Variants in PTPRD observed in about 807,000 individuals in gnomAD.
PTPRD encodes the protein receptor-type tyrosine-protein phosphatase delta.
In PTPRD, 34 loss-of-function variants were observed where a neutral mutation model predicts 214.5. The observed-to-expected ratio is 0.16, with a 90% CI of 0.12 to 0.21. The LOEUF is 0.21. PTPRD is among the 10% of genes least tolerant of loss of function. PTPRD has a pLI of 1.00. For synonymous variants in PTPRD, 1,128 were observed against 845.7 expected, an observed-to-expected ratio of 1.33 and a Z score of -5.79; for missense variants, 2,545 against 2,398.7, an observed-to-expected ratio of 1.06 and a Z score of -1.27.
chr9:8,764,945 T>C (rs1489716255), intron 11 of PTPRD, among the ~76,000 whole-genome samples: 5 of 152,140 alleles, frequency 3.3e-5, no homozygotes, highest in African/African-American at 4.8e-5. Context: ...TAATGAGTTA[T>C]AATTCTGGGT....
At chr9:9,936,641 T>C (rs1014834066) in intron 5 of PTPRD, among the ~76,000 whole-genome samples, 20 of 132,124 alleles carry the variant, frequency 1.5e-4, no homozygotes, top group Admixed American at 5.4e-4. Flanking sequence ...TGTAAACTAG[T>C]TCAACCATTG....
chr9:10,369,000 G>GT (rs1217378307), intron 2 of PTPRD, among the ~76,000 whole-genome samples: 31 of 151,640 alleles, frequency 2.0e-4, no homozygotes, highest in East Asian at 1.2e-3. Context: ...GGGAATATGT[G>GT]TTTTTTTTAA....
At chr9:10,532,123 T>C (rs746151556) in intron 2 of PTPRD, 3 of 152,144 alleles carry the variant, frequency 2.0e-5, no homozygotes, top group Non-Finnish European at 4.4e-5. Flanking sequence ...CAGAAGCTTA[T>C]ATATAAGATT....
chr9:9,625,929 G>T (rs2095412208), intron 7 of PTPRD, among the ~76,000 whole-genome samples: 1 of 152,128 alleles, frequency 6.6e-6, no homozygotes, highest in Non-Finnish European at 1.5e-5. Flanking sequence ...AAGGCTAGAT[G>T]ATAAATGTTT....
intron 9 of PTPRD, among the ~76,000 whole-genome samples, chr9:9,209,757 T>C (rs887496588): frequency 9.2e-5 from 14 of 152,220 alleles, no homozygotes; most frequent in African/African-American, 3.1e-4. Flanking sequence ...AAATTTTCAA[T>C]AGAAAATATT....
chr9:8,581,466 G>A (rs561393986), intron 14 of PTPRD, among the ~76,000 whole-genome samples: 46 of 152,150 alleles, frequency 3.0e-4, no homozygotes, highest in African/African-American at 1.1e-3. Context: ...AGGGTGGCCG[G>A]GGCCGGGCGC....
chr9:9,772,163 A>T (rs2098757019), intron 5 of PTPRD, among the ~76,000 whole-genome samples: 1 of 152,120 alleles, frequency 6.6e-6, no homozygotes. Flanking sequence ...GTCCTTAAAG[A>T]GGAGGATGCT....
At chr9:9,315,147 CT>C (rs924947413) in intron 9 of PTPRD, among the ~76,000 whole-genome samples, 1 of 151,952 alleles carries the variant, frequency 6.6e-6, no homozygotes, top group African/African-American at 2.4e-5. Flanking sequence ...CTTTCTTCTT[CT>C]TTGTAGCTCT....
At chr9:9,127,745 T>C (rs2154472107) in intron 10 of PTPRD, among the ~76,000 whole-genome samples, 1 of 152,170 alleles carries the variant, frequency 6.6e-6, no homozygotes, top group East Asian at 1.9e-4. Flanking sequence ...TCATCGAATG[T>C]CTGGAAGAGA....
intron 10 of PTPRD, among the ~76,000 whole-genome samples, chr9:9,173,801 T>A (rs1445923369): frequency 6.6e-6 from 1 of 152,112 alleles, no homozygotes; most frequent in Non-Finnish European, 1.5e-5. Flanking sequence ...CGTCACTATC[T>A]AATATACCCG....
chr9:8,380,879 T>G (rs1430103781), intron 37 of PTPRD, among the ~76,000 whole-genome samples: 1 of 152,142 alleles, frequency 6.6e-6, no homozygotes, highest in African/African-American at 2.4e-5. Flanking sequence ...TTGGCTTATT[T>G]TTAAATTGTC....
chr9:9,495,395 C>T (rs1025615923), intron 8 of PTPRD, among the ~76,000 whole-genome samples: 2 of 151,900 alleles, frequency 1.3e-5, no homozygotes, highest in African/African-American at 2.4e-5. Context: ...ACTTCTATTC[C>T]TGTTTTCCCA....
rs182256738 is a variant in PTPRD, at chr9:8,440,555, C to T, written c.3989-3866G>A. 1.8e-3 allele frequency among the ~76,000 whole-genome samples: 272 copies of T among 152,258 alleles called. 2 individuals carry two copies. Among genetic ancestry groups the T allele is most frequent in the African/African-American group, 5.9e-3 (244 of 41,560 alleles). On this transcript the variant is annotated intron_variant, in intron 34 of 45. Coordinates refer to ENST00000381196, the MANE Select transcript of PTPRD (RefSeq NM_002839.4). ...GTCTCAAACTCCTGACCTCATGATC[C>T]GCCTGCCTCGGGCTCCCAAAGTGCT...
intron 2 of PTPRD, among the ~76,000 whole-genome samples, chr9:10,361,143 C>G (rs1275966900): frequency 2.0e-5 from 3 of 151,934 alleles, no homozygotes; most frequent in Non-Finnish European, 4.4e-5. Context: ...CATTAAGACC[C>G]CTTATTTTGA....
intron 14 of PTPRD, among the ~76,000 whole-genome samples, chr9:8,578,707 ATGT>A (rs899378441): frequency 2.1e-4 from 32 of 152,320 alleles, no homozygotes; most frequent in African/African-American, 7.5e-4. Context: ...TGGGCTTAAC[ATGT>A]TGTACTTTAT....
At chr9:9,089,341 A>G (rs448616) in intron 10 of PTPRD, among the ~76,000 whole-genome samples, 95,146 of 152,064 alleles carry the variant, frequency 0.63, 30,537 homozygotes, top group Non-Finnish European at 0.7. Context: ...GCCAGATTTG[A>G]TCCAAGGTCT....
intron 30 of PTPRD, among the ~76,000 whole-genome samples, chr9:8,477,536 G>C (rs1419100788): frequency 6.6e-6 from 1 of 152,106 alleles, no homozygotes; most frequent in Non-Finnish European, 1.5e-5. Flanking sequence ...GTGTGTATTA[G>C]CATTCTCAAA....
chr9:9,981,534 T>C (rs1432773555), intron 4 of PTPRD, among the ~76,000 whole-genome samples: 1 of 10,946 alleles, frequency 9.1e-5, no homozygotes, highest in Non-Finnish European at 3.9e-4. Context: ...TTTTTTTGTA[T>C]TTTTTTTACT....
chr9:8,577,467 C>G lies in PTPRD; in HGVS notation c.353-48688G>C, dbSNP rs375015090. Among the ~76,000 whole-genome samples, 41 of 152,232 alleles carry G rather than the reference C, an allele frequency of 2.7e-4. No individual in the cohort carries two copies. The South Asian group carries it at 7.1e-3, about 26-fold the overall frequency. Reference sequence around the variant, plus strand: ...ACAGGGTTTCTCCATGTTGGTCAGGCTGGTCTGGAACTCCCGACCTCAGGT... The same window carrying G: ...ACAGGGTTTCTCCATGTTGGTCAGGGTGGTCTGGAACTCCCGACCTCAGGT... On this transcript the variant is annotated intron_variant, in intron 14 of 45. Transcript: ENST00000381196.
Sources: gnomAD v4.1 joint callset for allele counts (sites outside exome capture counted in the v4.1 genomes callset) on GRCh38, gnomAD v4.1.1 for gene constraint, MANE v1.5 for transcripts, NCBI Gene and HGNC (gene_info 2026-07-23, HGNC 2026-07-21) for gene names.